NKAIN2: variants seen among roughly 807,000 people sequenced by gnomAD.
NKAIN2 encodes the protein sodium/potassium transporting ATPase interacting 2.
In NKAIN2, 14 loss-of-function variants were observed where a neutral mutation model predicts 32.6. That is an observed-to-expected ratio of 0.43 (90% CI 0.28 to 0.67). NKAIN2 has a LOEUF of 0.67. Among genes scored for constraint, NKAIN2 ranks in the 30% least tolerant of loss-of-function variants. The pLI, the probability that NKAIN2 is intolerant of heterozygous loss-of-function variation, is 0.17. For missense variants in NKAIN2, 198 were observed against 258.3 expected (o/e 0.77, Z 1.60); for synonymous variants, 80 against 87.2 (o/e 0.92, Z 0.46).
At chr6:124,055,377 CT>C (rs1432611391) in intron 1 of NKAIN2, among the ~76,000 whole-genome samples, 1 of 151,926 alleles carries the variant, frequency 6.6e-6, no homozygotes, top group Non-Finnish European at 1.5e-5. Context: ...AACAATAATA[CT>C]TTTATCATAG....
intron 3 of NKAIN2, among the ~76,000 whole-genome samples, chr6:124,560,140 C>G (rs1291367206): frequency 6.6e-6 from 1 of 152,030 alleles, no homozygotes; most frequent in Non-Finnish European, 1.5e-5. Flanking sequence ...CTCATTTTGA[C>G]TTGTAGTTCC....
At chr6:124,032,799 G>A (rs1354505799) in intron 1 of NKAIN2, among the ~76,000 whole-genome samples, 1 of 151,944 alleles carries the variant, frequency 6.6e-6, no homozygotes, top group Non-Finnish European at 1.5e-5. Flanking sequence ...AAATATATAT[G>A]TATTGATCTG....
chr6:124,070,860 A>G (rs1331090956), intron 1 of NKAIN2, among the ~76,000 whole-genome samples: 2 of 152,154 alleles, frequency 1.3e-5, no homozygotes, highest in African/African-American at 4.8e-5. Context: ...TTCAAACTAT[A>G]TCATAAAACT....
chr6:124,183,529 T>C lies in NKAIN2; in HGVS notation c.55-99476T>C, dbSNP rs186653127. Among the ~76,000 whole-genome samples, 7 of 152,256 alleles carry C rather than the reference T, an allele frequency of 4.6e-5. No individual in the cohort carries two copies. In the East Asian group the frequency reaches 1.4e-3, roughly 29 times the overall value. ...ACATAGCCTCATTATTTTCTCAAGA[T>C]ATATGTTTATATTTAGTAATGATGG... On this transcript the variant is annotated intron_variant, in intron 1 of 6. Coordinates refer to ENST00000368417, the MANE Select transcript of NKAIN2 (RefSeq NM_001040214.3).
At chr6:124,348,206 A>G (rs1798532270) in intron 2 of NKAIN2, among the ~76,000 whole-genome samples, 1 of 151,982 alleles carries the variant, frequency 6.6e-6, no homozygotes, top group Admixed American at 6.6e-5. Context: ...GTTTTGTCTC[A>G]GAGTTGTACC....
chr6:124,264,716 T>A (rs1483693104), intron 1 of NKAIN2, among the ~76,000 whole-genome samples: 3 of 152,212 alleles, frequency 2.0e-5, no homozygotes, highest in African/African-American at 7.2e-5. Flanking sequence ...CTTATCATTT[T>A]TGCATTTTTG....
At chr6:123,848,175 G>T (rs1462538727) in intron 1 of NKAIN2, among the ~76,000 whole-genome samples, 1 of 152,174 alleles carries the variant, frequency 6.6e-6, no homozygotes, top group East Asian at 1.9e-4. Flanking sequence ...GACAAAAGAT[G>T]CTTTAGAAAC....
chr6:124,265,232 G>C (rs893471440), intron 1 of NKAIN2, among the ~76,000 whole-genome samples: 1 of 151,634 alleles, frequency 6.6e-6, no homozygotes, highest in Non-Finnish European at 1.5e-5. Context: ...TTTACATCAT[G>C]TCTATGTATT....
At chr6:124,033,049 A>G (rs1369173377) in intron 1 of NKAIN2, among the ~76,000 whole-genome samples, 2 of 152,154 alleles carry the variant, frequency 1.3e-5, no homozygotes, top group East Asian at 3.9e-4. Context: ...GACACTTTTT[A>G]ATATAAAATG....
intron 1 of NKAIN2, among the ~76,000 whole-genome samples, chr6:123,943,537 T>A (rs1776920509): frequency 6.6e-6 from 1 of 152,068 alleles, no homozygotes; most frequent in Non-Finnish European, 1.5e-5. Context: ...CTATGCTTCT[T>A]AAAAGCAGCC....
At chr6:124,149,732 C>T (rs565524948) in intron 1 of NKAIN2, among the ~76,000 whole-genome samples, 30 of 152,150 alleles carry the variant, frequency 2.0e-4, no homozygotes, top group African/African-American at 6.7e-4. Flanking sequence ...TGTACATACC[C>T]CGATTTTGTT....
At chr6:124,216,403 C>T (rs2146251) in intron 1 of NKAIN2, among the ~76,000 whole-genome samples, 106,416 of 151,976 alleles carry the variant, frequency 0.7, 37,450 homozygotes, top group South Asian at 0.76. Flanking sequence ...TCAATATTCA[C>T]GGCACTTTTG....
intron 5 of NKAIN2, among the ~76,000 whole-genome samples, chr6:124,792,036 C>A (rs367925160): frequency 6.6e-6 from 1 of 152,040 alleles, no homozygotes; most frequent in Non-Finnish European, 1.5e-5. Flanking sequence ...CTCTGCTCTC[C>A]GAAACATGGA....
chr6:123,986,781 G>T (rs1224319389), intron 1 of NKAIN2, among the ~76,000 whole-genome samples: 1 of 152,162 alleles, frequency 6.6e-6, no homozygotes, highest in African/African-American at 2.4e-5. Flanking sequence ...AAGTCAAGTT[G>T]CCTAGCAGAA....
In NKAIN2 at chr6:124,716,692, G is replaced by A. The variant is rs139229104; in HGVS notation, c.474+58306G>A. ...TTAGGGCTTAGCACCTGCCCTTCCC[G>A]CTGACTAGAACCCTCTTCTCCTGAT... On this transcript the variant is annotated intron_variant, in intron 4 of 6. Transcript: ENST00000368417. 7.9e-5 allele frequency among the ~76,000 whole-genome samples: 12 copies of A among 152,148 alleles called. No homozygotes were observed. The East Asian group carries it at 1.2e-3, about 15-fold the overall frequency.
intron 1 of NKAIN2, among the ~76,000 whole-genome samples, chr6:124,014,605 C>G (rs954273934): frequency 7.9e-5 from 12 of 151,800 alleles, no homozygotes; most frequent in African/African-American, 2.4e-4. Context: ...GTTTCTGCCT[C>G]CCTTTCTTTC....
At chr6:124,059,641 A>G (rs764556013) in intron 1 of NKAIN2, among the ~76,000 whole-genome samples, 9 of 152,060 alleles carry the variant, frequency 5.9e-5, no homozygotes, top group Non-Finnish European at 1.3e-4. Flanking sequence ...CTGTTGTATT[A>G]TTGCCACTCC....
intron 1 of NKAIN2, among the ~76,000 whole-genome samples, chr6:124,124,916 A>G (rs1786085194): frequency 6.6e-6 from 1 of 152,154 alleles, no homozygotes; most frequent in Non-Finnish European, 1.5e-5. Context: ...TGTAGAGTCC[A>G]TTTCTGCACT....
At chr6:124,292,196 A>G (rs1326481103) in intron 2 of NKAIN2, among the ~76,000 whole-genome samples, 1 of 152,186 alleles carries the variant, frequency 6.6e-6, no homozygotes, top group East Asian at 1.9e-4. Context: ...CACTTTACAC[A>G]CTGACCTTTG....
Sources: gnomAD v4.1 joint callset for allele counts (sites outside exome capture counted in the v4.1 genomes callset) on GRCh38, gnomAD v4.1.1 for gene constraint, MANE v1.5 for transcripts, NCBI Gene and HGNC (gene_info 2026-07-23, HGNC 2026-07-21) for gene names.